The following KHDRBS2 variants were observed in gnomAD, a reference collection of about 807,000 sequenced individuals.
KHDRBS2 encodes the protein KH domain-containing, RNA-binding, signal transduction-associated protein 2.
A neutral mutation model predicts 44.3 loss-of-function variants in KHDRBS2; 26 were observed. The ratio of observed to expected loss-of-function variants is 0.59; its 90% confidence interval spans 0.43 to 0.81. The LOEUF (loss-of-function observed/expected upper bound fraction) is 0.81, where lower values mean the gene tolerates loss of function less well. KHDRBS2 is among the 40% of genes least tolerant of loss of function. KHDRBS2 has a pLI of 0.00. For missense variants in KHDRBS2, 476 were observed against 433.1 expected, an observed-to-expected ratio of 1.10 and a Z score of -0.88; for synonymous variants, 194 against 151.1, an observed-to-expected ratio of 1.28 and a Z score of -2.08.
At chr6:61,817,473 A>G (rs1474123832) in intron 6 of KHDRBS2, among the ~76,000 whole-genome samples, 1 of 152,130 alleles carries the variant, frequency 6.6e-6, no homozygotes, top group Admixed American at 6.6e-5. Context: ...ATGGTATATT[A>G]GACTTTTTTT....
the KHDRBS2 span, among the ~76,000 whole-genome samples, chr6:61,552,037 C>A: frequency 2.0e-5 from 3 of 151,676 alleles, no homozygotes; most frequent in African/African-American, 7.3e-5. Context: ...AGTTGTTTAT[C>A]AGCTCAAGGA....
chr6:61,918,679 C>T (rs1258208722), intron 4 of KHDRBS2, among the ~76,000 whole-genome samples: 5 of 152,068 alleles, frequency 3.3e-5, no homozygotes, highest in Admixed American at 1.3e-4. Flanking sequence ...TGAGCTAAGA[C>T]AGGCTGTATG....
chr6:61,609,640 G>A, the KHDRBS2 span, among the ~76,000 whole-genome samples: 4 of 152,066 alleles, frequency 2.6e-5, no homozygotes, highest in Non-Finnish European at 5.9e-5. Context: ...CTGGTTTTTA[G>A]GTAAGTTTTA....
chr6:61,547,553 C>T, the KHDRBS2 span, among the ~76,000 whole-genome samples: 3 of 152,102 alleles, frequency 2.0e-5, no homozygotes, highest in Non-Finnish European at 4.4e-5. Flanking sequence ...ACTCCTGTTA[C>T]TGTGTGGCTG....
At chr6:61,615,411 A>G in the KHDRBS2 span, among the ~76,000 whole-genome samples, 1 of 152,072 alleles carries the variant, frequency 6.6e-6, no homozygotes, top group African/African-American at 2.4e-5. Flanking sequence ...TTCTTTGCTC[A>G]CTTTATTTGA....
intron 3 of KHDRBS2, among the ~76,000 whole-genome samples, chr6:62,009,342 A>T (rs1046671328): frequency 6.6e-6 from 1 of 152,244 alleles, no homozygotes; most frequent in Non-Finnish European, 1.5e-5. Context: ...TCAGCAAAGC[A>T]TTCAAGAGGT....
chr6:61,741,789 G>A (rs564525077), intron 6 of KHDRBS2, among the ~76,000 whole-genome samples: 2 of 151,958 alleles, frequency 1.3e-5, no homozygotes, highest in South Asian at 4.2e-4. Context: ...AAGTCATTGC[G>A]GCTTCTAGAA....
intron 3 of KHDRBS2, among the ~76,000 whole-genome samples, chr6:62,040,426 A>ATAT (rs1472758096): frequency 6.6e-6 from 1 of 152,128 alleles, no homozygotes; most frequent in Non-Finnish European, 1.5e-5. Context: ...AATGATTTTA[A>ATAT]TATTATTATC....
At chr6:62,121,377 C>T (rs538450034) in intron 2 of KHDRBS2, among the ~76,000 whole-genome samples, 14 of 152,294 alleles carry the variant, frequency 9.2e-5, no homozygotes, top group South Asian at 4.1e-4. Flanking sequence ...CATCCCTGTT[C>T]GACTCTCCTA....
chr6:61,553,671 G>C, the KHDRBS2 span, among the ~76,000 whole-genome samples: 2 of 151,768 alleles, frequency 1.3e-5, no homozygotes, highest in South Asian at 4.2e-4. Flanking sequence ...TGTCACCTTA[G>C]CTGTGTCCCA....
At chr6:61,852,278 C>A (rs1488149527) in intron 6 of KHDRBS2, among the ~76,000 whole-genome samples, 2 of 140,204 alleles carry the variant, frequency 1.4e-5, no homozygotes, top group Middle Eastern at 3.7e-3. Flanking sequence ...TTGACTTTAT[C>A]ATTTATCAAA....
rs796420397 is a variant in KHDRBS2 at position 61,815,094 on chromosome 6, AT to A, written c.810+79540del. Among the ~76,000 whole-genome samples the A allele has an allele frequency of 1.3e-3, 195 of 145,634 alleles. 1 individual carries two copies. Among genetic ancestry groups the A allele is most frequent in the African/African-American group, 3.8e-3 (150 of 39,706 alleles). Reference sequence around the variant, plus strand: ...ATGTTTAGTACAGGCACAACCACTCATTTTTTTTTTTCAAATATTTTCCACC... The same window carrying A: ...ATGTTTAGTACAGGCACAACCACTCATTTTTTTTTTCAAATATTTTCCACC... On this transcript the variant is annotated intron_variant, in intron 6 of 8. Transcript: ENST00000281156.
chr6:61,861,553 A>C (rs991022932), intron 6 of KHDRBS2, among the ~76,000 whole-genome samples: 1 of 151,260 alleles, frequency 6.6e-6, no homozygotes, highest in Non-Finnish European at 1.5e-5. Context: ...TGCGTTCTCT[A>C]TTCTGTTCCA....
intron 6 of KHDRBS2, among the ~76,000 whole-genome samples, chr6:61,756,725 C>T (rs1225005097): frequency 6.6e-6 from 1 of 152,188 alleles, no homozygotes; most frequent in Non-Finnish European, 1.5e-5. Flanking sequence ...AGACATTTTT[C>T]AAGTGTACAA....
intron 6 of KHDRBS2, among the ~76,000 whole-genome samples, chr6:61,809,145 A>G (rs191748733): frequency 1.2e-4 from 18 of 152,176 alleles, no homozygotes; most frequent in Admixed American, 1.1e-3. Flanking sequence ...GCCTCTTTTT[A>G]CTATATTTGC....
At chr6:61,592,925 C>T in the KHDRBS2 span, among the ~76,000 whole-genome samples, 1 of 152,008 alleles carries the variant, frequency 6.6e-6, no homozygotes, top group Non-Finnish European at 1.5e-5. Flanking sequence ...CAGTTGAGTC[C>T]CATTCCAGGA....
chr6:61,633,387 T>G, the KHDRBS2 span, among the ~76,000 whole-genome samples: 5 of 152,102 alleles, frequency 3.3e-5, no homozygotes, highest in East Asian at 9.6e-4. Context: ...TTACACACTG[T>G]GAGGATATTG....
chr6:61,609,467 A>T, the KHDRBS2 span, among the ~76,000 whole-genome samples: 1 of 152,088 alleles, frequency 6.6e-6, no homozygotes, highest in East Asian at 1.9e-4. Context: ...AATGTTGGTG[A>T]ATCCCTTTCC....
intron 1 of KHDRBS2, among the ~76,000 whole-genome samples, chr6:62,205,862 TGAAAGCGAAAG>T (rs543124903): frequency 5.9e-5 from 9 of 152,196 alleles, no homozygotes; most frequent in Admixed American, 5.2e-4. Context: ...TGACAGGAAA[TGAAAGCGAAAG>T]AGCAGGTTTG....
Sources: allele counts gnomAD v4.1 joint callset (sites outside exome capture counted in the v4.1 genomes callset), GRCh38; gene constraint gnomAD v4.1.1; transcripts MANE v1.5; gene names NCBI Gene and HGNC (gene_info 2026-07-23, HGNC 2026-07-21).